VASN: variants seen among roughly 807,000 people sequenced by gnomAD.
VASN encodes protein slit-like 2.
In VASN, 5 loss-of-function variants were observed where a neutral mutation model predicts 4.8. That is an observed-to-expected ratio of 1.03 (90% CI 0.54 to 2.17). The LOEUF (loss-of-function observed/expected upper bound fraction) is 2.17. VASN is among the 30% of genes most tolerant of loss of function. The pLI, the probability that VASN is intolerant of heterozygous loss-of-function variation, is 0.01. For synonymous variants in VASN, 499 were observed against 460.8 expected (o/e 1.08, Z -1.06); for missense variants, 927 against 948.8 (o/e 0.98, Z 0.30).
chr16:4,382,248 G>T lies in VASN; in HGVS notation c.1371G>T (p.Thr457=). ...QGTRPSPTPV[T]PRPPRSLTLG... ...CACGGCCCAGCCCTACACCAGTCAC[G>T]CCGAGGCCACCACGGTCCCTGACCC... Residue 457 remains threonine, a synonymous_variant, in exon 2 of 2, where the codon ACG becomes ACT. Transcript: ENST00000304735. 1 of 1,607,426 alleles carries T rather than the reference G, an allele frequency of 6.2e-7. No individual in the cohort carries two copies. Among genetic ancestry groups the T allele is most frequent in the East Asian group, 2.2e-5 (1 of 44,626 alleles).
In VASN at chr16:4,382,042, G is replaced by T. The variant is rs781707371; in HGVS notation, c.1165G>T (p.Ala389Ser). 1.9e-6 allele frequency: 3 copies of T among 1,594,462 alleles called. No individual in the cohort carries two copies. The highest frequency in any genetic ancestry group is 1.7e-6 in the Non-Finnish European group (2 of 1,172,768). Residue 389 changes from alanine (A) to serine (S), a missense_variant, in exon 2 of 2, where the codon GCC becomes TCC. Coordinates refer to ENST00000304735, the MANE Select transcript of VASN (RefSeq NM_138440.3). ...WLSPTEPATE[A>S]PSPPSTAPPT... is the part of the protein sequence containing the mutation. ...TAGCCCCACAGAGCCGGCCACTGAG[G>T]CCCCCAGCCCGCCCTCCACTGCCCC...
At chr16:4,379,817 C>G (rs2054884125) in intron 1 of VASN, among the ~76,000 whole-genome samples, 1 of 147,674 alleles carries the variant, frequency 6.8e-6, no homozygotes, top group Non-Finnish European at 1.5e-5. Context: ...CTGAGGCGGG[C>G]AGATCACCTG....
Position 4,381,361 on chromosome 16 carries a change from G to T in VASN, c.484G>T (p.Ala162Ser), listed in dbSNP as rs761371842. 1.3e-6 allele frequency: 2 copies of T among 1,596,922 alleles called. No individual in the cohort carries two copies. The highest frequency in any genetic ancestry group is 2.7e-5 in the African/African-American group (2 of 74,362). ...CAAGCTGCAGGACAACGAGCTGCGGGCACTGCCCCCGCTGCGCCTGCCCCG... is the reference window on the plus strand; with the variant it reads ...CAAGCTGCAGGACAACGAGCTGCGGTCACTGCCCCCGCTGCGCCTGCCCCG... ...ELKLQDNELR[A>S]LPPLRLPRLL... is the part of the protein sequence containing the mutation. Residue 162 changes from alanine (A) to serine (S), a missense_variant, in exon 2 of 2, where the codon GCA becomes TCA. By Grantham distance (99) the Ala-to-Ser change is moderately conservative. Transcript: ENST00000304735.
chr16:4,377,403 A>G (rs1161684884), intron 1 of VASN, among the ~76,000 whole-genome samples: 1 of 152,132 alleles, frequency 6.6e-6, no homozygotes, highest in Non-Finnish European at 1.5e-5. Context: ...GACAGCCCCC[A>G]GCCCCACGCA....
intron 1 of VASN, among the ~76,000 whole-genome samples, chr16:4,372,529 G>A (rs1165724932): frequency 1.3e-5 from 2 of 152,176 alleles, no homozygotes; most frequent in East Asian, 3.9e-4. Context: ...CCCTCCAGGT[G>A]GGGGATGGAC....
chr16:4,377,047 C>T (rs2054758474), intron 1 of VASN, among the ~76,000 whole-genome samples: 1 of 152,174 alleles, frequency 6.6e-6, no homozygotes, highest in South Asian at 2.1e-4. Flanking sequence ...CCACGAGCAG[C>T]GCCCACTGCA....
rs764104051 is a variant in VASN, at chr16:4,381,449, C to T, written c.572C>T (p.Thr191Ile). The T allele has an allele frequency of 6.3e-6, 10 of 1,580,584 alleles. No individual in the cohort carries two copies. Among genetic ancestry groups the T allele is most frequent in the Admixed American group, 5.4e-5 (3 of 55,294 alleles). ...LLALEPGILDTANVEALRLAG... is the reference protein window; with the variant it reads ...LLALEPGILDIANVEALRLAG... ...GCCCTGGAGCCCGGCATCCTGGACACTGCCAACGTGGAGGCGCTGCGGCTG... is the reference window on the plus strand; with the variant it reads ...GCCCTGGAGCCCGGCATCCTGGACATTGCCAACGTGGAGGCGCTGCGGCTG... Residue 191 changes from threonine (T) to isoleucine (I), a missense_variant, in exon 2 of 2, where the codon ACT (threonine) becomes ATT (isoleucine). Thr to Ile is a moderately conservative substitution (Grantham distance 89, BLOSUM62 -1). Coordinates refer to ENST00000304735, the MANE Select transcript of VASN (RefSeq NM_138440.3).
chr16:4,382,042 G>A lies in VASN; in HGVS notation c.1165G>A (p.Ala389Thr). The part of the protein sequence containing the change: ...WLSPTEPATE[A>T]PSPPSTAPPT... ...TAGCCCCACAGAGCCGGCCACTGAG[G>A]CCCCCAGCCCGCCCTCCACTGCCCC... is the stretch of plus-strand genomic sequence containing the variant. Residue 389 changes from alanine to threonine, a missense_variant, in exon 2 of 2, where the codon GCC becomes ACC. Ala to Thr is a moderately conservative substitution (Grantham distance 58, BLOSUM62 0). Coordinates refer to ENST00000304735, the MANE Select transcript of VASN (RefSeq NM_138440.3). 6.3e-7 allele frequency: 1 copy of A among 1,594,460 alleles called. No individual in the cohort carries two copies. The highest frequency in any genetic ancestry group is 8.5e-7 in the Non-Finnish European group (1 of 1,172,766).
At position 4,382,368 on chromosome 16, in the gene VASN, C is replaced by T. The variant is rs980499729; in HGVS notation, c.1491C>T (p.Thr497=). 6.2e-7 allele frequency: 1 copy of T among 1,612,144 alleles called. No homozygotes were observed. Among genetic ancestry groups the T allele is most frequent in the Non-Finnish European group, 8.5e-7 (1 of 1,179,740 alleles). The change falls in exon 2 of 2, where the codon ACC becomes ACT. Residue 497 remains threonine, a synonymous_variant. Transcript: ENST00000304735. ...SSVQLRSLRL[T]YRNLSGPDKR... is the part of the protein sequence containing the mutation. Reference sequence around the variant, plus strand: ...TGCAGCTCAGGAGCCTCCGTCTCACCTATCGCAACCTATCGGGCCCTGATA... The same window carrying T: ...TGCAGCTCAGGAGCCTCCGTCTCACTTATCGCAACCTATCGGGCCCTGATA...
intron 1 of VASN, among the ~76,000 whole-genome samples, chr16:4,379,159 G>A (rs1156609271): frequency 6.6e-6 from 1 of 152,102 alleles, no homozygotes; most frequent in Non-Finnish European, 1.5e-5. Flanking sequence ...GGTCGGGGTC[G>A]TGTTCCCTGG....
rs372454412 is a variant in VASN at position 4,381,439 on chromosome 16, A to G, written c.562A>G (p.Ile188Val). 1.3e-6 allele frequency: 2 copies of G among 1,580,570 alleles called. No homozygotes were observed. The highest frequency in any genetic ancestry group is 2.3e-5 in the East Asian group (1 of 42,824). ...CAGCCTCCTGGCCCTGGAGCCCGGC[A>G]TCCTGGACACTGCCAACGTGGAGGC... ...HNSLLALEPGILDTANVEALR... is the reference protein window; with the variant it reads ...HNSLLALEPGVLDTANVEALR... Residue 188 changes from isoleucine to valine, a missense_variant, in exon 2 of 2, where the codon ATC becomes GTC. Ile to Val is a conservative substitution (Grantham distance 29, BLOSUM62 3). Transcript: ENST00000304735.
In VASN at chr16:4,382,362, T is replaced by A. The variant is rs969121236; in HGVS notation, c.1485T>A (p.Arg495=). The change falls in exon 2 of 2, where the codon CGT becomes CGA. Residue 495 remains arginine, a synonymous_variant. Transcript: ENST00000304735. ...GCTCCGTGCAGCTCAGGAGCCTCCG[T>A]CTCACCTATCGCAACCTATCGGGCC... The part of the protein sequence containing the change: ...QGSSVQLRSL[R]LTYRNLSGPD... 2 of 1,612,144 alleles carry A rather than the reference T, an allele frequency of 1.2e-6. No homozygotes were observed. The highest frequency in any genetic ancestry group is 8.5e-7 in the Non-Finnish European group (1 of 1,179,692).
chr16:4,382,908 G>C lies in VASN; in HGVS notation c.*9G>C. Reference sequence around the variant, plus strand: ...CAAAGCCCTACATCTAAGCCAGAGAGAGACAGGGCAGCTGGGGCCGGGCTC... The same window carrying C: ...CAAAGCCCTACATCTAAGCCAGAGACAGACAGGGCAGCTGGGGCCGGGCTC... On this transcript the variant is annotated 3_prime_UTR_variant, in exon 2 of 2. Coordinates refer to ENST00000304735, the MANE Select transcript of VASN (RefSeq NM_138440.3). 2.7e-6 allele frequency: 4 copies of C among 1,495,438 alleles called. No individual in the cohort carries two copies. The highest frequency in any genetic ancestry group is 1.4e-5 in the South Asian group (1 of 72,904). 92.6% of individuals were successfully genotyped at this position (1,495,438 alleles called of 1,614,324 possible). A position where few individuals can be genotyped will look rare whatever the true frequency, so the allele number is the denominator to read the frequency against.
chr16:4,375,531 A>G (rs2054688853), intron 1 of VASN, among the ~76,000 whole-genome samples: 1 of 152,230 alleles, frequency 6.6e-6, no homozygotes, highest in Non-Finnish European at 1.5e-5. Context: ...TCTGTCACCC[A>G]GGCTGGAGTG....
At chr16:4,379,245 G>A (rs775084566) in intron 1 of VASN, among the ~76,000 whole-genome samples, 11 of 152,104 alleles carry the variant, frequency 7.2e-5, no homozygotes, top group Non-Finnish European at 1.6e-4. Context: ...AGCTGCAGGC[G>A]CCACTGGGCA....
At chr16:4,380,827 C>G in intron 1 of VASN, 42 bp from the exon 2 acceptor site, 1 of 1,432,272 alleles carries the variant, frequency 7.0e-7, no homozygotes, top group Non-Finnish European at 9.1e-7. Flanking sequence ...TTCTAGGCCC[C>G]TGACTCACAG....
Position 4,381,248 on chromosome 16 carries a change from G to A in VASN, c.371G>A (p.Arg124Gln), listed in dbSNP as rs757096705. ...ACCAATGAGACCTTCCGTGGCCTGCGGCGCCTCGAGCGCCTCTACCTGGGC... is the reference window on the plus strand; with the variant it reads ...ACCAATGAGACCTTCCGTGGCCTGCAGCGCCTCGAGCGCCTCTACCTGGGC... The part of the protein sequence containing the change: ...EITNETFRGL[R>Q]RLERLYLGKN... Residue 124 changes from arginine (R) to glutamine (Q), a missense_variant, in exon 2 of 2, where the codon CGG (arginine) becomes CAG (glutamine). Transcript: ENST00000304735. 1.3e-5 allele frequency: 21 copies of A among 1,611,630 alleles called. No individual in the cohort carries two copies. The East Asian group carries it at 1.6e-4, about 12-fold the overall frequency.
chr16:4,382,635 CCTGGCCGCG>C lies in VASN; in HGVS notation c.1764_1772del (p.Leu590_Ala592del). The stretch of plus-strand genomic sequence containing the variant: ...TTGCGCCCGCCCTGGCCGCGGTGCT[CCTGGCCGCG>C]CTGGCTGCGGTGGGGGCAGCCTACT... On this transcript the variant is annotated inframe_deletion, in exon 2 of 2. Coordinates refer to ENST00000304735, the MANE Select transcript of VASN (RefSeq NM_138440.3). The C allele has an allele frequency of 6.4e-7, 1 of 1,562,936 alleles. No homozygotes were observed.
chr16:4,372,888 A>G (rs2054585851), intron 1 of VASN, among the ~76,000 whole-genome samples: 1 of 152,132 alleles, frequency 6.6e-6, no homozygotes, highest in African/African-American at 2.4e-5. Flanking sequence ...CTTTTGCACC[A>G]AGGACAGGTG....
Sources: gnomAD v4.1 joint callset for allele counts (sites outside exome capture counted in the v4.1 genomes callset) on GRCh38, gnomAD v4.1.1 for gene constraint, MANE v1.5 for transcripts, NCBI Gene and HGNC (gene_info 2026-07-23, HGNC 2026-07-21) for gene names.